Variants in LARP4 observed in about 807,000 individuals in gnomAD.
LARP4 encodes the protein La ribonucleoprotein 4.
A neutral mutation model predicts 92.9 loss-of-function variants in LARP4; 29 were observed. That is an observed-to-expected ratio of 0.31 (90% confidence interval 0.23 to 0.43). LARP4 has a LOEUF of 0.43. Among genes scored for constraint, LARP4 ranks in the 20% least tolerant of loss-of-function variants. The probability of loss-of-function intolerance (pLI) is 1.00; values close to 1 mark genes in which losing one functional copy is unlikely to be tolerated. For synonymous variants in LARP4, 279 were observed against 284.1 expected (o/e 0.98, Z 0.18); for missense variants, 732 against 860.0 (o/e 0.85, Z 1.86).
At chr12:50,405,401 A>G (rs749175637) in intron 1 of LARP4, among the ~76,000 whole-genome samples, 1 of 152,066 alleles carries the variant, frequency 6.6e-6, no homozygotes, top group Non-Finnish European at 1.5e-5. Flanking sequence ...AGCCCTAAGG[A>G]GGCAGATAGT....
Position 50,454,263 on chromosome 12 carries a change from C to T in LARP4, c.1018-51C>T, listed in dbSNP as rs759556392. ...CATTAAGGTTCTTGTGACCCTCACA[C>T]CAGATTTTACCTTTGCCATTAATAT... is the stretch of plus-strand genomic sequence containing the variant. On this transcript the variant is annotated intron_variant, in intron 9 of 15. Coordinates refer to ENST00000398473, the MANE Select transcript of LARP4 (RefSeq NM_052879.5). 2.2e-6 allele frequency: 3 copies of T among 1,388,454 alleles called. No homozygotes were observed. In the African/African-American group the frequency reaches 4.3e-5, roughly 20 times the overall value. 86.0% of individuals were successfully genotyped at this position (1,388,454 alleles called of 1,614,324 possible). A position where few individuals can be genotyped will look rare whatever the true frequency, so the allele number is the denominator to read the frequency against.
At chr12:50,404,438 C>T (rs1415858940) in intron 1 of LARP4, among the ~76,000 whole-genome samples, 2 of 151,938 alleles carry the variant, frequency 1.3e-5, no homozygotes, top group African/African-American at 4.8e-5. Flanking sequence ...ACCTGTAGTC[C>T]CAGCTACTAG....
Position 50,405,029 on chromosome 12 carries a change from T to C in LARP4, c.18+4001T>C, listed in dbSNP as rs1000642485. 2.0e-5 allele frequency among the ~76,000 whole-genome samples: 3 copies of C among 150,800 alleles called. No homozygotes were observed. The East Asian group carries it at 5.8e-4, about 29-fold the overall frequency. ...CCTCAGCCTCCCTAGTAGCTGGGAC[T>C]TCAGGCATGTGCCACCATGCCTGGC... On this transcript the variant is annotated intron_variant, in intron 1 of 15. Coordinates refer to ENST00000398473, the MANE Select transcript of LARP4 (RefSeq NM_052879.5).
chr12:50,466,068 A>AACAC (rs1343375558), intron 12 of LARP4, among the ~76,000 whole-genome samples: 1 of 152,222 alleles, frequency 6.6e-6, no homozygotes, highest in Non-Finnish European at 1.5e-5. Context: ...AAGGATGGTT[A>AACAC]ACACACCAAA....
At position 50,454,429 on chromosome 12, in the gene LARP4, A is replaced by C; in HGVS notation, c.1121+12A>C. The stretch of plus-strand genomic sequence containing the variant: ...TTCCAAAAAAATCGGTAAGATAAAA[A>C]CCATAGCTGTAATGTATTTTAAACA... On this transcript the variant is annotated intron_variant, in intron 10 of 15. Transcript: ENST00000398473. The C allele has an allele frequency of 6.4e-7, 1 of 1,574,630 alleles. No individual in the cohort carries two copies. The highest frequency in any genetic ancestry group is 8.7e-7 in the Non-Finnish European group (1 of 1,146,784).
intron 8 of LARP4, among the ~76,000 whole-genome samples, chr12:50,448,067 A>G (rs1593210728): frequency 1.3e-5 from 2 of 152,142 alleles, no homozygotes; most frequent in East Asian, 1.9e-4. Context: ...GGGTTTCACC[A>G]TCTTGGACAG....
chr12:50,401,172 G>A (rs1286866129), intron 1 of LARP4, 144 bp downstream of exon 1: 5 of 866,872 alleles, frequency 5.8e-6, no homozygotes, highest in African/African-American at 3.3e-5. Context: ...GGCCGAGCAG[G>A]CCTGCAGCTT....
At chr12:50,465,748 T>C (rs1051384124) in intron 12 of LARP4, among the ~76,000 whole-genome samples, 1 of 152,232 alleles carries the variant, frequency 6.6e-6, no homozygotes, top group African/African-American at 2.4e-5. Context: ...ATCTCGGTTG[T>C]AGGCAAAGGC....
At chr12:50,456,793 T>A (rs1036037511) in intron 10 of LARP4, among the ~76,000 whole-genome samples, 3 of 152,182 alleles carry the variant, frequency 2.0e-5, no homozygotes, top group Non-Finnish European at 4.4e-5. Context: ...GCTGTATAAA[T>A]GTAGTAAGTT....
intron 1 of LARP4, among the ~76,000 whole-genome samples, chr12:50,414,604 A>G (rs1170552309): frequency 1.3e-5 from 2 of 152,162 alleles, no homozygotes; most frequent in East Asian, 1.9e-4. Flanking sequence ...TGCCTAGCCT[A>G]TACCTATATA....
At chr12:50,472,097 C>T (rs1163184034) in intron 13 of LARP4, among the ~76,000 whole-genome samples, 2 of 152,104 alleles carry the variant, frequency 1.3e-5, no homozygotes, top group Non-Finnish European at 2.9e-5. Context: ...CTGAATGTTA[C>T]TTTCTAAACC....
At chr12:50,440,387 G>C in intron 6 of LARP4, 52 bp from the exon 7 acceptor site, 1 of 1,292,652 alleles carries the variant, frequency 7.7e-7, no homozygotes, top group Admixed American at 1.7e-5. Flanking sequence ...AACAAAAAAT[G>C]CCAATTATTG....
At chr12:50,430,373 A>G (rs1949462501) in intron 3 of LARP4, 122 bp from the exon 4 acceptor site, 2 of 591,460 alleles carry the variant, frequency 3.4e-6, no homozygotes, top group East Asian at 2.8e-5. Flanking sequence ...CTCTGAAACA[A>G]TAGCTTTGTG....
intron 8 of LARP4, among the ~76,000 whole-genome samples, chr12:50,443,160 T>G (rs147474421): frequency 1.3e-5 from 2 of 152,324 alleles, no homozygotes; most frequent in East Asian, 1.9e-4. Flanking sequence ...AACACTTAAT[T>G]TTTTGTCATT....
chr12:50,418,792 C>T (rs982447707), intron 1 of LARP4, among the ~76,000 whole-genome samples: 5 of 152,164 alleles, frequency 3.3e-5, no homozygotes, highest in African/African-American at 1.2e-4. Context: ...GATCTTGGCT[C>T]ACTGTAGCCT....
At chr12:50,467,948 C>G (rs1346295945) in intron 13 of LARP4, among the ~76,000 whole-genome samples, 1 of 151,668 alleles carries the variant, frequency 6.6e-6, no homozygotes, top group South Asian at 2.1e-4. Flanking sequence ...TAGTTTTTCT[C>G]CCAACTTTTA....
At chr12:50,406,885 T>C (rs1387537884) in intron 1 of LARP4, among the ~76,000 whole-genome samples, 1 of 151,902 alleles carries the variant, frequency 6.6e-6, no homozygotes, top group Non-Finnish European at 1.5e-5. Flanking sequence ...TGCTGGCTAA[T>C]TTTTGTATTT....
At chr12:50,401,894 C>T (rs1943919099) in intron 1 of LARP4, among the ~76,000 whole-genome samples, 1 of 152,280 alleles carries the variant, frequency 6.6e-6, no homozygotes, top group Non-Finnish European at 1.5e-5. Context: ...TTTAATTTCC[C>T]TTAATTCTGT....
At chr12:50,455,835 T>A (rs912186017) in intron 10 of LARP4, among the ~76,000 whole-genome samples, 2 of 152,042 alleles carry the variant, frequency 1.3e-5, no homozygotes, top group Non-Finnish European at 2.9e-5. Flanking sequence ...TCATCTGAGC[T>A]CAGGAGTTCA....
Sources: gnomAD v4.1 joint callset for allele counts (sites outside exome capture counted in the v4.1 genomes callset) on GRCh38, gnomAD v4.1.1 for gene constraint, MANE v1.5 for transcripts, NCBI Gene and HGNC (gene_info 2026-07-23, HGNC 2026-07-21) for gene names.